The following TJP2 variants were observed in gnomAD, a reference collection of about 807,000 sequenced individuals.
TJP2 encodes the protein Friedreich ataxia region gene X104 (tight junction protein ZO-2).
Under a neutral mutation model 133.1 loss-of-function variants are expected in TJP2, and 91 were observed. The observed-to-expected ratio is 0.68, with a 90% CI of 0.58 to 0.81. TJP2 has a LOEUF of 0.81. TJP2 is among the 40% of genes least tolerant of loss of function. TJP2 has a pLI of 0.00. For synonymous variants in TJP2, 592 were observed against 583.4 expected, an observed-to-expected ratio of 1.01 and a Z score of -0.21; for missense variants, 1,541 against 1,565.6, an observed-to-expected ratio of 0.98 and a Z score of 0.26.
intron 2 of TJP2, among the ~76,000 whole-genome samples, chr9:69,165,429 G>T (rs1343636909): frequency 6.6e-6 from 1 of 152,138 alleles, no homozygotes; most frequent in Non-Finnish European, 1.5e-5. Context: ...TGGCCACCAT[G>T]CCCGGTGGGT....
At chr9:69,121,372 G>A, upstream of TJP2, 1 of 984,722 alleles carries the variant, frequency 1.0e-6, no homozygotes, top group Non-Finnish European at 1.2e-6. Context: ...GCAGGTGACA[G>A]CCGCCGCCCA....
chr9:69,244,810 A>T (rs546035275), intron 17 of TJP2, among the ~76,000 whole-genome samples: 4 of 152,346 alleles, frequency 2.6e-5, no homozygotes, highest in Admixed American at 2.6e-4. Flanking sequence ...ATTTTTATTC[A>T]TAAACTTGAC....
chr9:69,167,170 G>A (rs1345363996), intron 2 of TJP2, among the ~76,000 whole-genome samples: 2 of 151,904 alleles, frequency 1.3e-5, no homozygotes, highest in East Asian at 1.9e-4. Context: ...CTCAGGAGGC[G>A]GACGTTGCAG....
chr9:69,153,927 A>G (rs2079867931), intron 2 of TJP2, among the ~76,000 whole-genome samples: 1 of 152,190 alleles, frequency 6.6e-6, no homozygotes, highest in African/African-American at 2.4e-5. Flanking sequence ...TTTTTTTCCC[A>G]GGCATCTCAC....
upstream of TJP2, chr9:69,174,259 G>A (rs967297944): frequency 6.6e-7 from 1 of 1,525,956 alleles, no homozygotes; most frequent in Non-Finnish European, 8.8e-7. Context: ...CGGCACCCCG[G>A]CGGTTGGGCT....
intron 1 of TJP2, among the ~76,000 whole-genome samples, chr9:69,176,325 AG>A (rs149058632): frequency 0.02 from 3,099 of 152,320 alleles, 89 homozygotes; most frequent in African/African-American, 0.07. Context: ...AAATGGTGGT[AG>A]CTAGTAATAG....
intron 3 of TJP2, 84 bp from the exon 4 acceptor site, chr9:69,218,173 G>A: frequency 8.5e-7 from 1 of 1,171,478 alleles, no homozygotes; most frequent in Non-Finnish European, 1.3e-6. Context: ...AGGTCTATTT[G>A]CTGCTTCTAT....
chr9:69,165,432 C>T lies in TJP2; in HGVS notation c.-10+13661C>T, dbSNP rs563029199. Among the ~76,000 whole-genome samples, 108 of 152,242 alleles carry T rather than the reference C, an allele frequency of 7.1e-4. 1 individual carries two copies. Among genetic ancestry groups the T allele is most frequent in the African/African-American group, 2.3e-3 (94 of 41,548 alleles). On this transcript the variant is annotated intron_variant, in intron 2 of 5. Coordinates refer to the TJP2 transcript ENST00000423935. The stretch of plus-strand genomic sequence containing the variant: ...TGATTACAGGTGTGGCCACCATGCC[C>T]GGTGGGTTTGGATTCCATCTGCTTG...
Position 69,239,928 on chromosome 9 carries a change from T to G in TJP2, c.2356-9T>G. 1 of 1,612,830 alleles carries G rather than the reference T, an allele frequency of 6.2e-7. No homozygotes were observed. The highest frequency in any genetic ancestry group is 1.1e-5 in the South Asian group (1 of 91,050). On this transcript the variant is annotated splice_polypyrimidine_tract_variant and intron_variant, in intron 16 of 22. Transcript: ENST00000377245. The stretch of plus-strand genomic sequence containing the variant: ...TCCATTTCTCTAACTTTTCCCCTTT[T>G]GTAAACAGGATAAGCATGCACTACT...
At chr9:69,195,295 A>G (rs190376335) in intron 1 of TJP2, among the ~76,000 whole-genome samples, 30 of 152,278 alleles carry the variant, frequency 2.0e-4, no homozygotes, top group Non-Finnish European at 3.8e-4. Context: ...TTGCCAAATT[A>G]GCACCTTCCT....
In TJP2 at chr9:69,254,580, G is replaced by A; in HGVS notation, c.*206G>A. The A allele has an allele frequency of 1.5e-6, 1 of 653,876 alleles. No homozygotes were observed. Among genetic ancestry groups the A allele is most frequent in the Non-Finnish European group, 2.7e-6 (1 of 373,044 alleles). The allele number at this position is 653,876 out of a possible 1,614,324, so 40.5% of individuals were successfully genotyped here. A position where few individuals can be genotyped will look rare whatever the true frequency, so the allele number is the denominator to read the frequency against. The stretch of plus-strand genomic sequence containing the variant: ...CTGTTTGTGGGACTGGGTTAGAGGA[G>A]TCTGTGGCTTTTTGTTCAGAATTAA... On this transcript the variant is annotated 3_prime_UTR_variant, in exon 23 of 23. Transcript: ENST00000377245.
intron 1 of TJP2, 111 bp downstream of exon 1, chr9:69,174,543 A>C: frequency 7.8e-7 from 1 of 1,279,800 alleles, no homozygotes; most frequent in East Asian, 2.6e-5. Flanking sequence ...GATGCGCCGT[A>C]GGAAGCTGGG....
chr9:69,241,268 A>C (rs11137669), intron 17 of TJP2, among the ~76,000 whole-genome samples: 2,282 of 152,316 alleles, frequency 0.015, 49 homozygotes, highest in African/African-American at 0.052. Context: ...AATTCTGTGC[A>C]TATGAGATTA....
In TJP2 at chr9:69,234,318, T is replaced by C. The variant is rs1487028543; in HGVS notation, c.1672-121T>C. ...TCTTGGCTTTGCTCTGGACAGGCCC[T>C]GATGAAAACAAACAAAAGGGTCAGT... On this transcript the variant is annotated intron_variant, in intron 11 of 22. Coordinates refer to ENST00000377245, the MANE Select transcript of TJP2 (RefSeq NM_004817.4). 1.4e-5 allele frequency: 11 copies of C among 813,962 alleles called. No homozygotes were observed. In the East Asian group the frequency reaches 2.6e-4, roughly 20 times the overall value. 50.4% of individuals were successfully genotyped at this position (813,962 alleles called of 1,614,324 possible). A position where few individuals can be genotyped will look rare whatever the true frequency, so the allele number is the denominator to read the frequency against.
intron 17 of TJP2, among the ~76,000 whole-genome samples, chr9:69,242,264 T>C (rs1830628880): frequency 6.6e-6 from 1 of 152,176 alleles, no homozygotes; most frequent in Non-Finnish European, 1.5e-5. Flanking sequence ...TCCATGTGTG[T>C]AGAAGGGGTT....
At chr9:69,253,406 T>C (rs1045582005) in intron 22 of TJP2, 1 of 157,154 alleles carries the variant, frequency 6.4e-6, no homozygotes, top group Non-Finnish European at 1.4e-5. Flanking sequence ...TATACTGGAT[T>C]GCTTCCTGCT....
At chr9:69,157,472 T>TG (rs946175301) in intron 2 of TJP2, among the ~76,000 whole-genome samples, 9 of 150,038 alleles carry the variant, frequency 6.0e-5, no homozygotes, top group African/African-American at 1.9e-4. Context: ...CAGAGTTGGT[T>TG]TTTTTTTTTT....
Position 69,198,691 on chromosome 9 carries a change from T to C in TJP2, c.61-13857T>C, listed in dbSNP as rs139560020. Among the ~76,000 whole-genome samples the C allele has an allele frequency of 1.3e-3, 194 of 152,346 alleles. 1 individual carries two copies. Among genetic ancestry groups the C allele is most frequent in the Non-Finnish European group, 2.2e-3 (153 of 68,032 alleles). ...AAGTGTGTGCTGTGAGCACATCGCATACACTAGATTTAATCATCCACTGCC... is the reference window on the plus strand; with the variant it reads ...AAGTGTGTGCTGTGAGCACATCGCACACACTAGATTTAATCATCCACTGCC... On this transcript the variant is annotated intron_variant, in intron 1 of 22. Coordinates refer to ENST00000377245, the MANE Select transcript of TJP2 (RefSeq NM_004817.4).
At position 69,247,978 on chromosome 9, in the gene TJP2, G is replaced by A. The variant is rs140714085; in HGVS notation, c.2668-34G>A. The A allele has an allele frequency of 3.4e-4, 524 of 1,552,330 alleles. 3 individuals carry two copies. The East Asian group carries it at 9.6e-3, about 28-fold the overall frequency. On this transcript the variant is annotated intron_variant, in intron 18 of 22. Coordinates refer to ENST00000377245, the MANE Select transcript of TJP2 (RefSeq NM_004817.4). ...GTCCCCACTCCCAGGAGCCACATCAGACCCCACTGACCGTCCAACACAAAT... is the reference window on the plus strand; with the variant it reads ...GTCCCCACTCCCAGGAGCCACATCAAACCCCACTGACCGTCCAACACAAAT...
Sources: allele counts gnomAD v4.1 joint callset (sites outside exome capture counted in the v4.1 genomes callset), GRCh38; gene constraint gnomAD v4.1.1; transcripts MANE v1.5; gene names NCBI Gene and HGNC (gene_info 2026-07-23, HGNC 2026-07-21).